Variants in COMMD1 observed in about 807,000 individuals in gnomAD.
COMMD1 encodes copper metabolism domain containing 1.
COMMD1 carries 10 observed loss-of-function variants against 17.2 expected under a neutral mutation model. That is an observed-to-expected ratio of 0.58 (90% CI 0.36 to 0.99). The LOEUF is 0.99. Among genes scored for constraint, COMMD1 ranks in the 50% least tolerant of loss-of-function variants. The pLI, the probability that COMMD1 is intolerant of heterozygous loss-of-function variation, is 0.01. For missense variants in COMMD1, 270 were observed against 231.8 expected (o/e 1.17, Z -1.07); for synonymous variants, 97 against 91.6 (o/e 1.06, Z -0.34).
At chr2:61,924,223 A>G (rs1312751797) in intron 1 of COMMD1, among the ~76,000 whole-genome samples, 1 of 152,130 alleles carries the variant, frequency 6.6e-6, no homozygotes, top group Non-Finnish European at 1.5e-5. Flanking sequence ...GTAAGGTTTG[A>G]TTAAATTTCT....
intron 1 of COMMD1, chr2:61,968,945 C>CTTTT (rs57247770): frequency 7.0e-5 from 15 of 213,946 alleles, no homozygotes; most frequent in South Asian, 1.6e-4. Context: ...TTTATTTAGT[C>CTTTT]TTTTTTTTTT....
chr2:62,117,148 C>G (rs1450597913), intron 2 of COMMD1, among the ~76,000 whole-genome samples: 1 of 152,160 alleles, frequency 6.6e-6, no homozygotes, highest in Admixed American at 6.5e-5. Flanking sequence ...ACCACCTTGC[C>G]TCATAAGAGG....
At chr2:62,103,819 T>C (rs988647835) in intron 2 of COMMD1, among the ~76,000 whole-genome samples, 1 of 152,110 alleles carries the variant, frequency 6.6e-6, no homozygotes, top group Admixed American at 6.5e-5. Context: ...TTCTCAATAA[T>C]TAGAACTGTA....
chr2:62,028,871 CT>C (rs1669840951), intron 2 of COMMD1, among the ~76,000 whole-genome samples: 2 of 152,066 alleles, frequency 1.3e-5, no homozygotes. Context: ...TACTGATGTC[CT>C]AAAAACTGCC....
At chr2:62,129,258 A>G (rs1214595645) in intron 2 of COMMD1, among the ~76,000 whole-genome samples, 1 of 152,196 alleles carries the variant, frequency 6.6e-6, no homozygotes, top group Non-Finnish European at 1.5e-5. Context: ...ATATCAGAAG[A>G]ATTAATATAA....
chr2:62,105,017 C>T (rs899219528), intron 2 of COMMD1, among the ~76,000 whole-genome samples: 13 of 151,196 alleles, frequency 8.6e-5, no homozygotes, highest in Admixed American at 2.6e-4. Context: ...CCCAGCTACT[C>T]GGGAGGTTGA....
In COMMD1 at chr2:62,000,791, G is replaced by A. The variant is rs1668912504; in HGVS notation, c.271G>A (p.Ala91Thr). Residue 91 changes from alanine to threonine, a missense_variant, in exon 2 of 3, where the codon GCT (alanine) becomes ACT (threonine). Physicochemically the swap from Ala to Thr is moderately conservative, Grantham distance 58. Coordinates refer to ENST00000311832, the MANE Select transcript of COMMD1 (RefSeq NM_152516.4). ...GCAAGGTGGGATCACATCTGACCAA[G>A]CTGCTGTCATTTCCAAATTCTGGAA... is the stretch of plus-strand genomic sequence containing the variant. ...KKQGGITSDQ[A>T]AVISKFWKSH... 3 of 1,614,102 alleles carry A rather than the reference G, an allele frequency of 1.9e-6. No homozygotes were observed. Among genetic ancestry groups the A allele is most frequent in the South Asian group, 2.2e-5 (2 of 91,080 alleles).
At chr2:62,106,979 A>G (rs1247529075) in intron 2 of COMMD1, among the ~76,000 whole-genome samples, 2 of 152,176 alleles carry the variant, frequency 1.3e-5, no homozygotes, top group African/African-American at 2.4e-5. Flanking sequence ...CTGCAGGTCT[A>G]CCATGCTCAT....
chr2:62,092,818 C>T (rs1401931235), intron 2 of COMMD1, among the ~76,000 whole-genome samples: 4 of 152,144 alleles, frequency 2.6e-5, no homozygotes, highest in Non-Finnish European at 5.9e-5. Context: ...GTTACGATTT[C>T]ACAGGGCGAT....
At chr2:62,018,692 G>A (rs1241607138) in intron 2 of COMMD1, among the ~76,000 whole-genome samples, 1 of 152,178 alleles carries the variant, frequency 6.6e-6, no homozygotes, top group East Asian at 1.9e-4. Flanking sequence ...TACTAGCCAA[G>A]TATCCTATAG....
intron 1 of COMMD1, among the ~76,000 whole-genome samples, chr2:61,934,056 C>G (rs1481745217): frequency 6.6e-6 from 1 of 152,150 alleles, no homozygotes; most frequent in African/African-American, 2.4e-5. Context: ...TGAGCCACTA[C>G]GCCCGGCCTT....
chr2:62,007,212 G>A (rs973185975), intron 2 of COMMD1, among the ~76,000 whole-genome samples: 2 of 151,964 alleles, frequency 1.3e-5, no homozygotes, highest in Non-Finnish European at 2.9e-5. Context: ...TGAGTTTTTA[G>A]CAGACCTATA....
At chr2:62,119,629 T>C (rs1032281401) in intron 2 of COMMD1, among the ~76,000 whole-genome samples, 91 of 152,358 alleles carry the variant, frequency 6.0e-4, no homozygotes, top group African/African-American at 2.1e-3. Context: ...TTTCTAACTA[T>C]GCCTATTTCT....
intron 2 of COMMD1, chr2:62,055,605 A>G (rs1242831161): frequency 2.6e-6 from 1 of 380,288 alleles, no homozygotes; most frequent in African/African-American, 2.1e-5. Context: ...GAAAATGTGA[A>G]TACAAAGAAC....
intron 2 of COMMD1, among the ~76,000 whole-genome samples, chr2:62,002,694 A>C (rs917260440): frequency 6.7e-6 from 1 of 150,048 alleles, no homozygotes; most frequent in African/African-American, 2.5e-5. Context: ...AAACAAAACA[A>C]CAACAACAAC....
At chr2:61,907,532 G>A (rs1338658068) in intron 1 of COMMD1, among the ~76,000 whole-genome samples, 1 of 152,034 alleles carries the variant, frequency 6.6e-6, no homozygotes, top group East Asian at 1.9e-4. Flanking sequence ...TCTTCTGCAG[G>A]CTAAGAAGAG....
intron 2 of COMMD1, chr2:62,084,817 C>A (rs1474338177): frequency 6.6e-6 from 1 of 152,128 alleles, no homozygotes; most frequent in African/African-American, 2.4e-5. Context: ...CTGAGACTTA[C>A]ATTTAAAGGG....
At chr2:61,888,615 A>C (rs1233063558), upstream of COMMD1, 3 of 1,342,858 alleles carry the variant, frequency 2.2e-6, no homozygotes, top group Non-Finnish European at 3.0e-6. Context: ...CGAACCTTCC[A>C]GAAAGCGGCG....
chr2:62,102,759 T>C (rs748947599), intron 2 of COMMD1, among the ~76,000 whole-genome samples: 13 of 152,136 alleles, frequency 8.5e-5, no homozygotes, highest in Non-Finnish European at 1.8e-4. Context: ...GTGTAAAAAC[T>C]GGCCATAAAG....
Sources: gnomAD v4.1 joint callset for allele counts (sites outside exome capture counted in the v4.1 genomes callset) on GRCh38, gnomAD v4.1.1 for gene constraint, MANE v1.5 for transcripts, NCBI Gene and HGNC (gene_info 2026-07-23, HGNC 2026-07-21) for gene names.